SMAP1: variants seen among roughly 807,000 people sequenced by gnomAD.
SMAP1 encodes the protein stromal membrane-associated protein 1.
A neutral mutation model predicts 58.5 loss-of-function variants in SMAP1; 24 were observed. The observed-to-expected ratio is 0.41, with a 90% CI of 0.30 to 0.58. The LOEUF (loss-of-function observed/expected upper bound fraction) is 0.58, where lower values mean the gene tolerates loss of function less well. Among genes scored for constraint, SMAP1 ranks in the 20% least tolerant of loss-of-function variants. The pLI, the probability that SMAP1 is intolerant of heterozygous loss-of-function variation, is 0.29. For missense variants in SMAP1, 563 were observed against 566.3 expected (o/e 0.99, Z 0.06); for synonymous variants, 216 against 196.6 (o/e 1.10, Z -0.82).
chr6:70,836,480 A>G (rs1447175619), intron 6 of SMAP1, among the ~76,000 whole-genome samples: 1 of 152,228 alleles, frequency 6.6e-6, no homozygotes, highest in Admixed American at 6.5e-5. Context: ...ACAGGAGTAC[A>G]TTAGTAGTAG....
intron 1 of SMAP1, among the ~76,000 whole-genome samples, chr6:70,693,356 T>C (rs1029047632): frequency 6.8e-6 from 1 of 146,476 alleles, no homozygotes; most frequent in South Asian, 2.2e-4. Flanking sequence ...CAGGCTGGAG[T>C]GCAGTGGTGC....
At chr6:70,839,261 C>G (rs1181525065) in intron 7 of SMAP1, among the ~76,000 whole-genome samples, 5 of 152,180 alleles carry the variant, frequency 3.3e-5, no homozygotes, top group Admixed American at 3.3e-4. Context: ...TTCACTATTG[C>G]AATATGTGTC....
chr6:70,817,579 G>C (rs1197734516), intron 6 of SMAP1, among the ~76,000 whole-genome samples: 1 of 152,086 alleles, frequency 6.6e-6, no homozygotes, highest in Non-Finnish European at 1.5e-5. Context: ...AATAGTCCAG[G>C]ACTTATTGAG....
intron 6 of SMAP1, among the ~76,000 whole-genome samples, chr6:70,799,946 T>C (rs1037796723): frequency 1.3e-5 from 2 of 152,164 alleles, no homozygotes; most frequent in Non-Finnish European, 2.9e-5. Context: ...ATTTGCAATA[T>C]GGTGAGTATG....
In SMAP1 at chr6:70,858,024, TTATAGGAAATGTGA is replaced by T. The variant is rs749848529; in HGVS notation, c.1066_1079del (p.Ile356GlyfsTer48). The T allele has an allele frequency of 6.2e-7, 1 of 1,614,126 alleles. No individual in the cohort carries two copies. ...GTGCCTGTGCCTGCAGCTCCTGGCC[TTATAGGAAATGTGA>T]TGGGACAGAGTCCAAGCATGATGGT... On this transcript the variant is annotated frameshift_variant, in exon 10 of 11. Transcript: ENST00000370455. LOFTEE classifies it high-confidence loss of function.
chr6:70,713,332 A>G (rs967740493), intron 1 of SMAP1, among the ~76,000 whole-genome samples: 1 of 151,524 alleles, frequency 6.6e-6, no homozygotes. Flanking sequence ...TTCTTATTCT[A>G]GCTCCTTGAG....
At chr6:70,842,767 C>G (rs949094271) in intron 7 of SMAP1, among the ~76,000 whole-genome samples, 2 of 152,156 alleles carry the variant, frequency 1.3e-5, no homozygotes, top group African/African-American at 4.8e-5. Flanking sequence ...TTTGCTTCTC[C>G]TCATTCTGCC....
chr6:70,676,803 G>A (rs997881674), intron 1 of SMAP1, among the ~76,000 whole-genome samples: 8 of 152,036 alleles, frequency 5.3e-5, no homozygotes, highest in Non-Finnish European at 8.8e-5. Context: ...TTGTTATAGA[G>A]ACAGGGTCTC....
intron 2 of SMAP1, 151 bp from the exon 3 acceptor site, chr6:70,754,829 G>A (rs536808449): frequency 4.5e-5 from 21 of 464,408 alleles, no homozygotes; most frequent in Middle Eastern, 6.4e-4. Flanking sequence ...GATTAATTTC[G>A]TAGTTGTGAT....
At chr6:70,796,152 C>G (rs1768598512) in intron 5 of SMAP1, among the ~76,000 whole-genome samples, 1 of 152,104 alleles carries the variant, frequency 6.6e-6, no homozygotes, top group Non-Finnish European at 1.5e-5. Flanking sequence ...TTATTCTTTA[C>G]TTATAAAATG....
At chr6:70,721,326 G>C (rs1768517868) in intron 1 of SMAP1, among the ~76,000 whole-genome samples, 1 of 152,116 alleles carries the variant, frequency 6.6e-6, no homozygotes, top group Admixed American at 6.5e-5. Flanking sequence ...TAGGGCAGGG[G>C]CAAAATGCTG....
intron 2 of SMAP1, among the ~76,000 whole-genome samples, chr6:70,736,010 T>C (rs1382504303): frequency 6.6e-6 from 1 of 152,170 alleles, no homozygotes; most frequent in Non-Finnish European, 1.5e-5. Flanking sequence ...GTTCTTTGTG[T>C]GTGTGTGTGT....
At chr6:70,808,556 A>C (rs1243332826) in intron 6 of SMAP1, among the ~76,000 whole-genome samples, 1 of 152,168 alleles carries the variant, frequency 6.6e-6, no homozygotes, top group East Asian at 1.9e-4. Context: ...CAGTCACTTA[A>C]CTGTCCAGAG....
intron 3 of SMAP1, among the ~76,000 whole-genome samples, chr6:70,767,625 C>T (rs954956638): frequency 6.6e-6 from 1 of 150,706 alleles, no homozygotes; most frequent in Non-Finnish European, 1.5e-5. Context: ...GCTGAAGTTG[C>T]TTATCAGCTT....
At chr6:70,835,940 G>A (rs994365904) in intron 6 of SMAP1, among the ~76,000 whole-genome samples, 3 of 152,112 alleles carry the variant, frequency 2.0e-5, no homozygotes, top group African/African-American at 7.2e-5. Context: ...TATGACTTCG[G>A]CTCCTGAGAA....
intron 6 of SMAP1, among the ~76,000 whole-genome samples, chr6:70,803,091 C>G (rs1769638225): frequency 6.6e-6 from 1 of 152,132 alleles, no homozygotes; most frequent in African/African-American, 2.4e-5. Context: ...GTACTAGCTC[C>G]TCGTTGTACC....
At chr6:70,738,464 A>C (rs1338220732) in intron 2 of SMAP1, among the ~76,000 whole-genome samples, 1 of 151,960 alleles carries the variant, frequency 6.6e-6, no homozygotes, top group Non-Finnish European at 1.5e-5. Context: ...TAAGAAAAAA[A>C]AAAAAAAACC....
At chr6:70,705,932 T>C (rs927484094) in intron 1 of SMAP1, among the ~76,000 whole-genome samples, 2 of 152,340 alleles carry the variant, frequency 1.3e-5, no homozygotes, top group African/African-American at 2.4e-5. Context: ...AGAGCTGTTA[T>C]ACTGCCTTTA....
Position 70,861,558 on chromosome 6 carries a change from T to TGAA in SMAP1, c.*1226_*1228dup. 9.9e-7 allele frequency: 1 copy of TGAA among 1,011,974 alleles called. No homozygotes were observed. Among genetic ancestry groups the TGAA allele is most frequent in the South Asian group, 1.5e-5 (1 of 65,340 alleles). The allele number at this position is 1,011,974 out of a possible 1,614,324, so 62.7% of individuals were successfully genotyped here. On this transcript the variant is annotated 3_prime_UTR_variant, in exon 11 of 11. Transcript: ENST00000370455. ...CAGATGACAAGAAAGGCTGCTGTACTGAAGTAAAACAAACAATACCTGAAT... is the reference window on the plus strand; with the variant it reads ...CAGATGACAAGAAAGGCTGCTGTACTGAAGAAGTAAAACAAACAATACCTGAAT...
Sources: allele counts gnomAD v4.1 joint callset (sites outside exome capture counted in the v4.1 genomes callset), GRCh38; gene constraint gnomAD v4.1.1; transcripts MANE v1.5; gene names NCBI Gene and HGNC (gene_info 2026-07-23, HGNC 2026-07-21).